Variants in LSAMP observed in about 807,000 individuals in gnomAD.
The protein encoded by LSAMP is limbic system-associated membrane protein.
Under a neutral mutation model 38.6 loss-of-function variants are expected in LSAMP, and 7 were observed. The ratio of observed to expected loss-of-function variants is 0.18; its 90% CI spans 0.10 to 0.34. The LOEUF (loss-of-function observed/expected upper bound fraction) is 0.34, where lower values mean the gene tolerates loss of function less well. Among genes scored for constraint, LSAMP ranks in the 10% least tolerant of loss-of-function variants. LSAMP has a pLI of 1.00. For synonymous variants in LSAMP, 154 were observed against 166.8 expected (o/e 0.92, Z 0.59); for missense variants, 313 against 420.0 (o/e 0.75, Z 2.23).
chr3:116,400,945 G>C (rs1379292774), intron 1 of LSAMP, among the ~76,000 whole-genome samples: 1 of 152,128 alleles, frequency 6.6e-6, no homozygotes, highest in Non-Finnish European at 1.5e-5. Flanking sequence ...ACCACAGGAT[G>C]GATCTACTAG....
intron 1 of LSAMP, among the ~76,000 whole-genome samples, chr3:116,404,235 T>A (rs1390910474): frequency 6.6e-6 from 1 of 152,166 alleles, no homozygotes; most frequent in East Asian, 1.9e-4. Flanking sequence ...AAATTTTAGA[T>A]TCAGTTGTAA....
chr3:116,411,203 T>C (rs2048971193), intron 1 of LSAMP, among the ~76,000 whole-genome samples: 1 of 152,066 alleles, frequency 6.6e-6, no homozygotes. Context: ...TCAACCATTG[T>C]GGAAGTCAGT....
intron 3 of LSAMP, among the ~76,000 whole-genome samples, chr3:115,930,005 T>TTTTTTG (rs1937555812): frequency 1.5e-5 from 2 of 131,954 alleles, no homozygotes; most frequent in Admixed American, 7.6e-5. Flanking sequence ...AGCAGAAGTT[T>TTTTTTG]TTTTTTTTTT....
intron 1 of LSAMP, among the ~76,000 whole-genome samples, chr3:116,300,322 A>G (rs560359175): frequency 6.6e-6 from 1 of 152,354 alleles, no homozygotes; most frequent in Non-Finnish European, 1.5e-5. Context: ...ACAGTTCCCA[A>G]GGGTTTGAAC....
intron 1 of LSAMP, among the ~76,000 whole-genome samples, chr3:116,279,966 T>G (rs1351622639): frequency 1.3e-5 from 2 of 152,142 alleles, no homozygotes; most frequent in Non-Finnish European, 2.9e-5. Flanking sequence ...AAACAATCAT[T>G]AAAAAATCCG....
chr3:116,363,760 C>A (rs1365893489), intron 1 of LSAMP, among the ~76,000 whole-genome samples: 10 of 148,876 alleles, frequency 6.7e-5, no homozygotes, highest in Non-Finnish European at 1.5e-4. Flanking sequence ...AAGACAAAAA[C>A]CACATGATTA....
At chr3:116,260,787 C>T (rs2107657983) in intron 1 of LSAMP, among the ~76,000 whole-genome samples, 1 of 152,238 alleles carries the variant, frequency 6.6e-6, no homozygotes, top group South Asian at 2.1e-4. Flanking sequence ...TGTATCTATG[C>T]CTTGAGGATA....
At chr3:115,834,620 C>A (rs941072875) in intron 6 of LSAMP, 1 of 1,194,798 alleles carries the variant, frequency 8.4e-7, no homozygotes, top group Non-Finnish European at 1.1e-6. Flanking sequence ...AAATAGTAAT[C>A]ATCATGGAGA....
intron 3 of LSAMP, among the ~76,000 whole-genome samples, chr3:115,893,822 C>T (rs536011861): frequency 6.6e-6 from 1 of 152,090 alleles, no homozygotes; most frequent in African/African-American, 2.4e-5. Context: ...TTGTGTTCTT[C>T]TTTTCGAGAG....
At chr3:116,334,411 T>C (rs1191575618) in intron 1 of LSAMP, among the ~76,000 whole-genome samples, 1 of 152,104 alleles carries the variant, frequency 6.6e-6, no homozygotes, top group Non-Finnish European at 1.5e-5. Context: ...ATTACACTGA[T>C]AGCTAAGCCA....
At chr3:116,056,824 C>G (rs914438291) in intron 2 of LSAMP, among the ~76,000 whole-genome samples, 3 of 152,090 alleles carry the variant, frequency 2.0e-5, no homozygotes, top group Non-Finnish European at 2.9e-5. Context: ...GATCTAGATA[C>G]AATACCATCT....
chr3:116,027,727 C>T (rs1416368910), intron 2 of LSAMP, among the ~76,000 whole-genome samples: 1 of 152,054 alleles, frequency 6.6e-6, no homozygotes, highest in Non-Finnish European at 1.5e-5. Flanking sequence ...CATTTAATTC[C>T]AGCTGTGAAT....
intron 1 of LSAMP, among the ~76,000 whole-genome samples, chr3:116,145,421 T>G (rs1269071724): frequency 1.3e-5 from 2 of 151,900 alleles, no homozygotes; most frequent in Non-Finnish European, 2.9e-5. Context: ...AGGCCAACAG[T>G]CTAAAAATTC....
chr3:115,907,656 C>T (rs78935503), intron 3 of LSAMP, among the ~76,000 whole-genome samples: 1,771 of 152,260 alleles, frequency 0.012, 33 homozygotes, highest in African/African-American at 0.04. Context: ...AGAAAATTCA[C>T]TTAGGAACAG....
intron 1 of LSAMP, among the ~76,000 whole-genome samples, chr3:116,206,709 C>T (rs1426150728): frequency 6.6e-6 from 1 of 151,696 alleles, no homozygotes; most frequent in African/African-American, 2.4e-5. Context: ...TGTAGCTGAG[C>T]AGTTTTGAGT....
intron 3 of LSAMP, among the ~76,000 whole-genome samples, chr3:115,931,675 A>C: frequency 6.6e-6 from 1 of 152,220 alleles, no homozygotes; most frequent in Middle Eastern, 3.2e-3. Context: ...TGGAATATCT[A>C]ATATGTATAG....
intron 2 of LSAMP, among the ~76,000 whole-genome samples, chr3:116,052,203 C>T (rs1046992260): frequency 1.3e-5 from 2 of 151,526 alleles, no homozygotes; most frequent in African/African-American, 4.9e-5. Context: ...TGGTTAGTGT[C>T]AGCAATGAAA....
Position 116,067,788 on chromosome 3 carries a change from T to A in LSAMP, c.388+18536A>T, listed in dbSNP as rs560804515. ...TCTGTATCTTGCTGTTGTTTTTTTT[T>A]AAAAGTCTGCATCCCCCAAAACAAA... On this transcript the variant is annotated intron_variant, in intron 2 of 6. Transcript: ENST00000490035. Among the ~76,000 whole-genome samples, 5 of 152,308 alleles carry A rather than the reference T, an allele frequency of 3.3e-5. No homozygotes were observed. In the South Asian group the frequency reaches 8.3e-4, roughly 25 times the overall value.
intron 3 of LSAMP, among the ~76,000 whole-genome samples, chr3:115,937,606 A>G (rs1937747464): frequency 6.6e-6 from 1 of 151,748 alleles, no homozygotes. Flanking sequence ...GCACCACTGT[A>G]CTCCAGCCTG....
Sources: gnomAD v4.1 joint callset for allele counts (sites outside exome capture counted in the v4.1 genomes callset) on GRCh38, gnomAD v4.1.1 for gene constraint, MANE v1.5 for transcripts, NCBI Gene and HGNC (gene_info 2026-07-23, HGNC 2026-07-21) for gene names.